Variants in SYT6 observed in about 807,000 individuals in gnomAD.
SYT6 encodes synaptotagmin 6.
In SYT6, 24 loss-of-function variants were observed where a neutral mutation model predicts 38.4. The ratio of observed to expected loss-of-function variants is 0.62; its 90% CI spans 0.45 to 0.88. The LOEUF (loss-of-function observed/expected upper bound fraction) is 0.88, where lower values mean the gene tolerates loss of function less well. SYT6 is among the 40% of genes least tolerant of loss of function. SYT6 has a pLI of 0.00. For synonymous variants in SYT6, 265 were observed against 241.9 expected, an observed-to-expected ratio of 1.10 and a Z score of -0.89; for missense variants, 611 against 621.0, an observed-to-expected ratio of 0.98 and a Z score of 0.17.
rs182418718 is a variant in SYT6, at chr1:114,090,933, T to G, written c.*1201A>C. On this transcript the variant is annotated 3_prime_UTR_variant, in exon 8 of 8. Transcript: ENST00000610222. ...ACTGAAACAAACAACACTGAAGTAC[T>G]TAGTAATTTATAGAACTAAAGTTTA... 1 of 152,830 alleles carries G rather than the reference T, an allele frequency of 6.5e-6. No individual in the cohort carries two copies. Among genetic ancestry groups the G allele is most frequent in the Non-Finnish European group, 1.5e-5 (1 of 68,026 alleles). 9.5% of individuals were successfully genotyped at this position (152,830 alleles called of 1,614,324 possible).
At chr1:114,146,297 C>T (rs1679152251) in intron 1 of SYT6, among the ~76,000 whole-genome samples, 1 of 152,154 alleles carries the variant, frequency 6.6e-6, no homozygotes, top group South Asian at 2.1e-4. Flanking sequence ...TGAACTCAGA[C>T]ATCCCTCATC....
intron 3 of SYT6, among the ~76,000 whole-genome samples, chr1:114,136,686 C>T (rs1678500787): frequency 6.6e-6 from 1 of 152,228 alleles, no homozygotes; most frequent in Non-Finnish European, 1.5e-5. Context: ...GCACCCACCT[C>T]CTGTGTAGGT....
intron 3 of SYT6, among the ~76,000 whole-genome samples, chr1:114,122,173 G>C (rs745391602): frequency 2.0e-5 from 3 of 152,332 alleles, no homozygotes; most frequent in Non-Finnish European, 4.4e-5. Flanking sequence ...CAGGGCCTCA[G>C]CTTCCCTGTG....
At chr1:114,115,812 T>C (rs1485196813) in intron 3 of SYT6, among the ~76,000 whole-genome samples, 1 of 152,132 alleles carries the variant, frequency 6.6e-6, no homozygotes, top group African/African-American at 2.4e-5. Flanking sequence ...GTTAAATAAC[T>C]TGCCTAGGGT....
chr1:114,105,410 C>A (rs1347099215), intron 3 of SYT6, among the ~76,000 whole-genome samples: 1 of 150,072 alleles, frequency 6.7e-6, no homozygotes, highest in Non-Finnish European at 1.5e-5. Context: ...ACCCTCTTTT[C>A]CTAGCCCTAG....
intron 3 of SYT6, among the ~76,000 whole-genome samples, chr1:114,108,346 C>G (rs533958639): frequency 6.6e-6 from 1 of 152,206 alleles, no homozygotes; most frequent in Admixed American, 6.5e-5. Context: ...CTACTTGATG[C>G]AGTCACATAG....
chr1:114,139,325 A>C (rs1678703977), intron 2 of SYT6, among the ~76,000 whole-genome samples: 1 of 151,806 alleles, frequency 6.6e-6, no homozygotes, highest in East Asian at 1.9e-4. Context: ...CCTTCCAAAC[A>C]TCCAACACTC....
intron 3 of SYT6, among the ~76,000 whole-genome samples, chr1:114,130,217 T>C (rs182096412): frequency 1.9e-4 from 28 of 148,136 alleles, no homozygotes; most frequent in African/African-American, 6.6e-4. Flanking sequence ...CTTCATCTTC[T>C]CCATGCCATT....
intron 4 of SYT6, among the ~76,000 whole-genome samples, chr1:114,101,918 G>A (rs143556443): frequency 6.6e-6 from 1 of 152,248 alleles, no homozygotes; most frequent in Non-Finnish European, 1.5e-5. Context: ...ATGAAAAGAA[G>A]ACCCCTGGAT....
intron 6 of SYT6, among the ~76,000 whole-genome samples, chr1:114,095,429 C>T (rs745674999): frequency 6.6e-6 from 1 of 152,216 alleles, no homozygotes; most frequent in African/African-American, 2.4e-5. Flanking sequence ...CACCCCACCC[C>T]CAGCTGTAGC....
At chr1:114,112,606 G>A (rs1220975152) in intron 3 of SYT6, among the ~76,000 whole-genome samples, 3 of 152,240 alleles carry the variant, frequency 2.0e-5, no homozygotes, top group Middle Eastern at 3.2e-3. Context: ...AGAAATTTTA[G>A]AAGAGATGGC....
chr1:114,149,766 C>T (rs1410285101), intron 1 of SYT6, among the ~76,000 whole-genome samples: 2 of 152,016 alleles, frequency 1.3e-5, no homozygotes, highest in African/African-American at 4.8e-5. Context: ...TCTTTTCCCT[C>T]TATGCTTCTC....
chr1:114,138,024 C>G lies in SYT6; in HGVS notation c.542G>C (p.Arg181Thr). The stretch of plus-strand genomic sequence containing the variant: ...GTCTACACTGGAGACATGCATCTGC[C>G]TTGGCAGGTGGCGCTTGAAGGACGT... ...RHTSFKRHLP[R>T]QMHVSSVDYG... Residue 181 changes from arginine to threonine, a missense_variant, in exon 3 of 8, where the codon AGG becomes ACG. Transcript: ENST00000610222. The G allele has an allele frequency of 6.2e-7, 1 of 1,613,854 alleles. No homozygotes were observed. The highest frequency in any genetic ancestry group is 8.5e-7 in the Non-Finnish European group (1 of 1,179,974).
At position 114,141,245 on chromosome 1, in the gene SYT6, A is replaced by G. The variant is rs553879382; in HGVS notation, c.164-1282T>C. On this transcript the variant is annotated intron_variant, in intron 1 of 7. Transcript: ENST00000610222. Reference sequence around the variant, plus strand: ...TTTGTGCCTCACAGCCAAGTTGTGAATGCAAAGAAAAAGATCTTAAAGGAA... The same window carrying G: ...TTTGTGCCTCACAGCCAAGTTGTGAGTGCAAAGAAAAAGATCTTAAAGGAA... 2.0e-4 allele frequency among the ~76,000 whole-genome samples: 31 copies of G among 152,358 alleles called. No individual in the cohort carries two copies. The South Asian group carries it at 6.0e-3, about 29-fold the overall frequency.
At chr1:114,122,633 G>A (rs1677484496) in intron 3 of SYT6, among the ~76,000 whole-genome samples, 1 of 152,144 alleles carries the variant, frequency 6.6e-6, no homozygotes, top group Non-Finnish European at 1.5e-5. Context: ...AGAGAGGAGC[G>A]CAGCCAGAGT....
At chr1:114,092,614 T>C (rs1329450795) in intron 7 of SYT6, among the ~76,000 whole-genome samples, 2 of 152,166 alleles carry the variant, frequency 1.3e-5, no homozygotes, top group Non-Finnish European at 2.9e-5. Flanking sequence ...ACCTGACTTG[T>C]GGAGAGGTAG....
intron 3 of SYT6, among the ~76,000 whole-genome samples, chr1:114,106,276 T>A (rs188008814): frequency 2.6e-5 from 4 of 152,172 alleles, no homozygotes; most frequent in African/African-American, 7.2e-5. Context: ...GCACATGGAC[T>A]GTGTGCCAGG....
At chr1:114,108,915 C>A (rs79999655) in intron 3 of SYT6, among the ~76,000 whole-genome samples, 4,102 of 152,268 alleles carry the variant, frequency 0.027, 62 homozygotes, top group African/African-American at 0.033. Context: ...AGAGAAGCAT[C>A]CGCTATACTT....
chr1:114,132,267 G>A (rs994427272), intron 3 of SYT6, among the ~76,000 whole-genome samples: 2 of 152,204 alleles, frequency 1.3e-5, no homozygotes, highest in Non-Finnish European at 2.9e-5. Flanking sequence ...GTGGCTCATG[G>A]GAAAAAGAGG....
Sources: allele counts gnomAD v4.1 joint callset (sites outside exome capture counted in the v4.1 genomes callset), GRCh38; gene constraint gnomAD v4.1.1; transcripts MANE v1.5; gene names NCBI Gene and HGNC (gene_info 2026-07-23, HGNC 2026-07-21).